ATP1B3: variants seen among roughly 807,000 people sequenced by gnomAD.
ATP1B3 encodes the protein ATPase Na+/K+ transporting subunit beta 3.
In ATP1B3, 10 loss-of-function variants were observed where a neutral mutation model predicts 30.2. The observed-to-expected ratio is 0.33, with a 90% CI of 0.20 to 0.56. The LOEUF (loss-of-function observed/expected upper bound fraction) is 0.56. ATP1B3 is among the 20% of genes least tolerant of loss of function. ATP1B3 has a pLI of 0.90. For missense variants in ATP1B3, 238 were observed against 336.7 expected (o/e 0.71, Z 2.29); for synonymous variants, 113 against 117.0 (o/e 0.97, Z 0.22).
Position 141,876,750 on chromosome 3 carries a change from C to CGCCGCCTCCATCCCCGCG in ATP1B3, c.-46_-29dup. The CGCCGCCTCCATCCCCGCG allele has an allele frequency of 6.9e-7, 1 of 1,459,352 alleles. No individual in the cohort carries two copies. The highest frequency in any genetic ancestry group is 9.4e-7 in the Non-Finnish European group (1 of 1,060,652). 90.4% of individuals were successfully genotyped at this position (1,459,352 alleles called of 1,614,324 possible). On this transcript the variant is annotated 5_prime_UTR_variant, in exon 1 of 7. Coordinates refer to ENST00000286371, the MANE Select transcript of ATP1B3 (RefSeq NM_001679.4). ...AGCCGGGACGCGCCTCCGCAGCCCT[C>CGCCGCCTCCATCCCCGCG]GCCGCCTCCATCCCCGCGGCCGCAG...
chr3:141,899,195 AC>A (rs1934118469), intron 1 of ATP1B3, among the ~76,000 whole-genome samples: 3 of 152,226 alleles, frequency 2.0e-5, no homozygotes, highest in African/African-American at 7.2e-5. Context: ...TTCACACTTT[AC>A]ATATGTGAAT....
chr3:141,903,884 C>T (rs144370507), intron 2 of ATP1B3, 136 bp downstream of exon 2: 147 of 1,022,270 alleles, frequency 1.4e-4, no homozygotes, highest in African/African-American at 1.3e-3. Flanking sequence ...CAGGTTCAAG[C>T]GATTCTCCTG....
At chr3:141,923,421 ACT>A (rs1287127568) in intron 6 of ATP1B3, among the ~76,000 whole-genome samples, 2 of 152,166 alleles carry the variant, frequency 1.3e-5, no homozygotes, top group Non-Finnish European at 2.9e-5. Context: ...CCACCTCAGG[ACT>A]CTGTTGAAAG....
chr3:141,904,759 G>A (rs1432293721), intron 2 of ATP1B3, among the ~76,000 whole-genome samples: 1 of 143,184 alleles, frequency 7.0e-6, no homozygotes, highest in Non-Finnish European at 1.5e-5. Flanking sequence ...GCCTAGGCTG[G>A]AGTGCAATGG....
At position 141,876,946 on chromosome 3, in the gene ATP1B3, TCGGTCCCGGGGGCGCCGGGCG is replaced by T. The variant is rs997602162; in HGVS notation, c.109+42_109+62del. ...AGCAGCTGGGCGTCCGGGGCCGGCC[TCGGTCCCGGGGGCGCCGGGCG>T]CGGTCTGGTGGGAACGGAAAGGCGG... On this transcript the variant is annotated intron_variant, in intron 1 of 6. Transcript: ENST00000286371. The T allele has an allele frequency of 1.0e-5, 15 of 1,497,426 alleles. No individual in the cohort carries two copies. The East Asian group carries it at 2.4e-4, about 24-fold the overall frequency. The allele number at this position is 1,497,426 out of a possible 1,614,324, so 92.8% of individuals were successfully genotyped here.
chr3:141,899,644 C>T (rs996365654), intron 1 of ATP1B3, among the ~76,000 whole-genome samples: 2 of 152,076 alleles, frequency 1.3e-5, no homozygotes, highest in African/African-American at 4.8e-5. Context: ...CTGAGGCAGG[C>T]AGATCACCTG....
chr3:141,890,237 C>T (rs1933919737), intron 1 of ATP1B3, among the ~76,000 whole-genome samples: 1 of 144,294 alleles, frequency 6.9e-6, no homozygotes. Flanking sequence ...TGTATGCCAC[C>T]ACACCTGGCT....
intron 3 of ATP1B3, among the ~76,000 whole-genome samples, chr3:141,909,737 A>T (rs939332828): frequency 6.6e-6 from 1 of 152,300 alleles, no homozygotes. Flanking sequence ...CCCATTGTTA[A>T]GTTCTTTGGC....
Position 141,889,587 on chromosome 3 carries a change from G to T in ATP1B3, c.109+12677G>T, listed in dbSNP as rs1021002261. On this transcript the variant is annotated intron_variant, in intron 1 of 6. Transcript: ENST00000286371. ...CTACTAAAAATACAAAATTAGCTGG[G>T]CGTGGTGGCAGGTGCCTGTAATCCC... 2.6e-5 allele frequency among the ~76,000 whole-genome samples: 4 copies of T among 151,738 alleles called. No individual in the cohort carries two copies. The East Asian group carries it at 7.7e-4, about 29-fold the overall frequency.
At chr3:141,877,373 G>A (rs1173129055) in intron 1 of ATP1B3, among the ~76,000 whole-genome samples, 1 of 152,182 alleles carries the variant, frequency 6.6e-6, no homozygotes. Flanking sequence ...CACTCCAGGG[G>A]AGAGGAAATT....
intron 5 of ATP1B3, among the ~76,000 whole-genome samples, chr3:141,920,052 GTTTA>G (rs1448307759): frequency 2.6e-5 from 4 of 152,116 alleles, no homozygotes; most frequent in Non-Finnish European, 5.9e-5. Flanking sequence ...ATTTCTAAAT[GTTTA>G]TTTTCACAGA....
At chr3:141,920,959 T>C (rs149996970) in intron 5 of ATP1B3, among the ~76,000 whole-genome samples, 30 of 152,328 alleles carry the variant, frequency 2.0e-4, no homozygotes, top group African/African-American at 6.7e-4. Context: ...CCCACAGCCA[T>C]ATGCTGCTTC....
chr3:141,888,574 G>A (rs906533355), intron 1 of ATP1B3, among the ~76,000 whole-genome samples: 2 of 152,002 alleles, frequency 1.3e-5, no homozygotes, highest in Admixed American at 1.3e-4. Flanking sequence ...CTGAGACTGG[G>A]TAATTTATAA....
chr3:141,921,229 A>G (rs1018036389), intron 5 of ATP1B3, among the ~76,000 whole-genome samples: 3 of 152,216 alleles, frequency 2.0e-5, no homozygotes, highest in Non-Finnish European at 4.4e-5. Context: ...AGAAAGTGTT[A>G]CATGTGAATT....
Position 141,925,591 on chromosome 3 carries a change from A to G in ATP1B3, c.730A>G (p.Lys244Glu), listed in dbSNP as rs1467184883. The change falls in exon 7 of 7, where the codon AAA becomes GAA. Residue 244 changes from lysine to glutamate, a missense_variant. By Grantham distance (56) the Lys-to-Glu change is moderately conservative (BLOSUM62 1). This residue lies in a region of ATP1B3 where 50 missense variants were observed against 62.3 expected (regional missense o/e 0.80). Transcript: ENST00000286371. Reference sequence around the variant, plus strand: ...CAGCTTTGCTCCTAACAACACTGGGAAAGAAGTAACAGTTGAGTGCAAGAT... The same window carrying G: ...CAGCTTTGCTCCTAACAACACTGGGGAAGAAGTAACAGTTGAGTGCAAGAT... ...QVSFAPNNTG[K>E]EVTVECKIDG... 1 of 1,613,754 alleles carries G rather than the reference A, an allele frequency of 6.2e-7. No individual in the cohort carries two copies. Among genetic ancestry groups the G allele is most frequent in the Non-Finnish European group, 8.5e-7 (1 of 1,179,864 alleles).
At chr3:141,906,191 T>C (rs1438696904) in intron 2 of ATP1B3, among the ~76,000 whole-genome samples, 1 of 152,094 alleles carries the variant, frequency 6.6e-6, no homozygotes, top group Non-Finnish European at 1.5e-5. Context: ...TGCTTTTTTT[T>C]TTTTTTGAGA....
chr3:141,919,485 AT>A (rs1296704470), intron 5 of ATP1B3, among the ~76,000 whole-genome samples: 1 of 151,980 alleles, frequency 6.6e-6, no homozygotes, highest in African/African-American at 2.4e-5. Flanking sequence ...TATTTATGTC[AT>A]TTTTTTCTCA....
At chr3:141,920,417 T>A (rs1235705891) in intron 5 of ATP1B3, among the ~76,000 whole-genome samples, 1 of 151,894 alleles carries the variant, frequency 6.6e-6, no homozygotes, top group Non-Finnish European at 1.5e-5. Flanking sequence ...ATCCCAGCTA[T>A]TCAGGAGGCT....
intron 1 of ATP1B3, among the ~76,000 whole-genome samples, chr3:141,895,061 T>C (rs1934034340): frequency 6.6e-6 from 1 of 152,138 alleles, no homozygotes; most frequent in African/African-American, 2.4e-5. Flanking sequence ...ATGCAGTCTG[T>C]CACTGACTGA....
Sources: allele counts gnomAD v4.1 joint callset (sites outside exome capture counted in the v4.1 genomes callset), GRCh38; gene constraint gnomAD v4.1.1; regional missense constraint gnomAD v4.1.1; transcripts MANE v1.5; gene names NCBI Gene and HGNC (gene_info 2026-07-23, HGNC 2026-07-21).